ARVCF: variants seen among roughly 807,000 people sequenced by gnomAD.
The protein encoded by ARVCF is ARVCF delta catenin family member.
Under a neutral mutation model 90.9 loss-of-function variants are expected in ARVCF, and 66 were observed. The observed-to-expected ratio is 0.73, with a 90% CI of 0.60 to 0.89. The LOEUF (loss-of-function observed/expected upper bound fraction) is 0.89. Ranked by LOEUF, ARVCF falls within the 40% of genes least tolerant of loss-of-function variation. The probability of loss-of-function intolerance (pLI) is 0.00; values close to 1 mark genes in which losing one functional copy is unlikely to be tolerated. For synonymous variants in ARVCF, 653 were observed against 603.4 expected (o/e 1.08, Z -1.21); for missense variants, 1,469 against 1,382.3 (o/e 1.06, Z -1.00).
intron 3 of ARVCF, chr22:19,987,127 G>C: frequency 3.9e-6 from 2 of 512,270 alleles, no homozygotes; most frequent in Non-Finnish European, 7.1e-6. Flanking sequence ...GGCCAGCAGC[G>C]GGGGAGGCGG....
intron 8 of ARVCF, 104 bp from the exon 9 acceptor site, chr22:19,977,690 G>A: frequency 7.1e-7 from 1 of 1,414,600 alleles, no homozygotes; most frequent in Non-Finnish European, 9.4e-7. Flanking sequence ...CGGGAGCAAA[G>A]GAACAGGGAG....
chr22:20,006,461 T>C (rs1052083199), intron 2 of ARVCF, among the ~76,000 whole-genome samples: 3 of 150,912 alleles, frequency 2.0e-5, no homozygotes, highest in African/African-American at 7.3e-5. Flanking sequence ...CGCCTGTAGT[T>C]CCAGCTACTT....
At chr22:19,966,022 C>T (rs1049008650), downstream of ARVCF, among the ~76,000 whole-genome samples, 32 of 152,352 alleles carry the variant, frequency 2.1e-4, no homozygotes, top group African/African-American at 6.7e-4. Context: ...GATGTGGGTG[C>T]TAATTACAGG....
At chr22:19,966,879 G>A (rs1291383160), downstream of ARVCF, 2 of 949,212 alleles carry the variant, frequency 2.1e-6, no homozygotes, top group Non-Finnish European at 2.5e-6. Context: ...GGGTGGGCCA[G>A]ATGAAAACCA....
chr22:19,974,683 T>C (rs1460176024), intron 11 of ARVCF, among the ~76,000 whole-genome samples: 1 of 151,886 alleles, frequency 6.6e-6, no homozygotes, highest in Non-Finnish European at 1.5e-5. Context: ...GAGGACCTGC[T>C]TTCACCAGTA....
Position 19,970,530 on chromosome 22 carries a change from A to G in ARVCF, c.*226T>C. ...CTGTCACTCGCTCACACACAGCACCATGTCAGTAAACAGCTAACTCAGGCC... is the reference window on the plus strand; with the variant it reads ...CTGTCACTCGCTCACACACAGCACCGTGTCAGTAAACAGCTAACTCAGGCC... On this transcript the variant is annotated 3_prime_UTR_variant, in exon 20 of 20. Coordinates refer to ENST00000263207, the MANE Select transcript of ARVCF (RefSeq NM_001670.3). The G allele has an allele frequency of 8.6e-7, 1 of 1,158,568 alleles. No individual in the cohort carries two copies. Among genetic ancestry groups the G allele is most frequent in the Non-Finnish European group, 1.1e-6 (1 of 929,824 alleles). 71.8% of individuals were successfully genotyped at this position (1,158,568 alleles called of 1,614,324 possible).
In ARVCF at chr22:19,979,066, G is replaced by A. The variant is rs759433656; in HGVS notation, c.1411C>T (p.Leu471=). The A allele has an allele frequency of 3.1e-6, 5 of 1,612,740 alleles. No homozygotes were observed. In the South Asian group the frequency reaches 5.5e-5, roughly 18 times the overall value. The change falls in exon 7 of 20, where the codon CTG becomes TTG. Residue 471 remains leucine, a synonymous_variant. Transcript: ENST00000263207. ...RELVTGTLWN[L]SSYEPLKMVI... is the part of the protein sequence containing the mutation. ...ATCTTCAGGGGCTCATAGGATGACAGGTTCCACAGGGTGCCTGTGGGGTGC... is the reference window on the plus strand; with the variant it reads ...ATCTTCAGGGGCTCATAGGATGACAAGTTCCACAGGGTGCCTGTGGGGTGC...
At chr22:19,978,155 T>G in intron 7 of ARVCF, 80 bp from the exon 8 acceptor site, 1 of 1,321,044 alleles carries the variant, frequency 7.6e-7, no homozygotes, top group South Asian at 1.4e-5. Flanking sequence ...GGGCTTGTCT[T>G]CATCTGCAAA....
rs565822805 is a variant in ARVCF, at chr22:20,008,932, A to T, written c.-19+1523T>A. ...GAGAAGACCAAGAACTGGAGGGGGG[A>T]GGGAAAAGAAGGGACAAGAAAGGAG... On this transcript the variant is annotated intron_variant, in intron 2 of 19. Coordinates refer to ENST00000263207, the MANE Select transcript of ARVCF (RefSeq NM_001670.3). 2.8e-4 allele frequency among the ~76,000 whole-genome samples: 43 copies of T among 151,956 alleles called. No homozygotes were observed. In the South Asian group the frequency reaches 8.8e-3, roughly 31 times the overall value.
chr22:19,979,711 A>C, intron 6 of ARVCF, 32 bp downstream of exon 6: 1 of 1,564,504 alleles, frequency 6.4e-7, no homozygotes, highest in East Asian at 2.3e-5. Flanking sequence ...TTCTCTTCCC[A>C]GGGGATGTGA....
intron 2 of ARVCF, among the ~76,000 whole-genome samples, chr22:19,996,313 CAAA>C (rs751484877): frequency 1.5e-5 from 2 of 129,972 alleles, no homozygotes; most frequent in Non-Finnish European, 1.7e-5. Flanking sequence ...TCTGTATATC[CAAA>C]AAAAAAAAAA....
intron 1 of ARVCF, among the ~76,000 whole-genome samples, chr22:20,016,263 G>A (rs2531699): frequency 0.31 from 47,504 of 151,934 alleles, 7,904 homozygotes; most frequent in Middle Eastern, 0.4. Context: ...GGGCACGGCT[G>A]CGGGGTCGGG....
At chr22:20,005,193 C>CA (rs1157638169) in intron 2 of ARVCF, among the ~76,000 whole-genome samples, 2 of 151,900 alleles carry the variant, frequency 1.3e-5, no homozygotes, top group East Asian at 1.9e-4. Flanking sequence ...TTAACAACAG[C>CA]AAAAAAACAC....
At chr22:20,006,677 G>A (rs903140574) in intron 2 of ARVCF, among the ~76,000 whole-genome samples, 4 of 150,552 alleles carry the variant, frequency 2.7e-5, no homozygotes, top group African/African-American at 9.8e-5. Context: ...CTGTCGCCAG[G>A]CTAGAGTGCA....
intron 3 of ARVCF, among the ~76,000 whole-genome samples, chr22:19,987,464 C>G (rs1289456998): frequency 2.6e-5 from 4 of 151,678 alleles, no homozygotes; most frequent in African/African-American, 4.8e-5. Flanking sequence ...ACTTTCCCGC[C>G]GAAAGACTTT....
At chr22:19,981,856 C>G (rs1943522552) in intron 4 of ARVCF, 77 bp downstream of exon 4, 1 of 1,572,578 alleles carries the variant, frequency 6.4e-7, no homozygotes. Context: ...TGGCAAGCTT[C>G]CATGTCCACT....
chr22:19,968,706 C>T (rs1167737861), downstream of ARVCF: 1 of 1,613,012 alleles, frequency 6.2e-7, no homozygotes, highest in South Asian at 1.1e-5. Flanking sequence ...AGGCCATCTA[C>T]AAGGGCCCAG....
intron 12 of ARVCF, 68 bp from the exon 13 acceptor site, chr22:19,973,861 C>T (rs140073587): frequency 1.0e-5 from 16 of 1,550,808 alleles, no homozygotes; most frequent in African/African-American, 6.8e-5. Flanking sequence ...AGACGCTGAC[C>T]GCTCTCTCCA....
At position 19,975,368 on chromosome 22, in the gene ARVCF, G is replaced by A. The variant is rs1601583354; in HGVS notation, c.1960+318C>T. 2.0e-5 allele frequency among the ~76,000 whole-genome samples: 3 copies of A among 152,206 alleles called. No homozygotes were observed. The South Asian group carries it at 6.2e-4, about 32-fold the overall frequency. On this transcript the variant is annotated intron_variant, in intron 11 of 19. Coordinates refer to ENST00000263207, the MANE Select transcript of ARVCF (RefSeq NM_001670.3). ...CTCAGCTTTGTGGCTAACACAGGAG[G>A]CCCTGCCTCCACTGGAGGCGTCCCT...
Sources: allele counts gnomAD v4.1 joint callset (sites outside exome capture counted in the v4.1 genomes callset), GRCh38; gene constraint gnomAD v4.1.1; transcripts MANE v1.5; gene names NCBI Gene and HGNC (gene_info 2026-07-23, HGNC 2026-07-21).